PDE10A: variants seen among roughly 807,000 people sequenced by gnomAD.
PDE10A encodes phosphodiesterase 10A.
A neutral mutation model predicts 97.7 loss-of-function variants in PDE10A; 39 were observed. The observed-to-expected ratio is 0.40, with a 90% CI of 0.31 to 0.52. PDE10A has a LOEUF of 0.52. PDE10A is among the 20% of genes least tolerant of loss of function. The pLI is 0.56. For missense variants in PDE10A, 731 were observed against 1,047.8 expected, an observed-to-expected ratio of 0.70 and a Z score of 4.17; for synonymous variants, 371 against 376.8, an observed-to-expected ratio of 0.98 and a Z score of 0.18.
At chr6:165,700,179 C>T (rs1342036949) in intron 1 of PDE10A, among the ~76,000 whole-genome samples, 1 of 152,032 alleles carries the variant, frequency 6.6e-6, no homozygotes, top group African/African-American at 2.4e-5. Flanking sequence ...ACATTATGCT[C>T]AGTGAAAGAA....
chr6:165,760,041 C>T (rs989964357), intron 1 of PDE10A, among the ~76,000 whole-genome samples: 2 of 152,126 alleles, frequency 1.3e-5, no homozygotes, highest in African/African-American at 4.8e-5. Context: ...AAACTTTGCA[C>T]ATAAAGTCAA....
At chr6:165,354,483 T>G (rs1782898871) in intron 18 of PDE10A, among the ~76,000 whole-genome samples, 1 of 152,226 alleles carries the variant, frequency 6.6e-6, no homozygotes, top group Non-Finnish European at 1.5e-5. Context: ...CACTCCAAGC[T>G]GGAGATGGTA....
At chr6:165,893,677 T>G (rs1258698626) in intron 1 of PDE10A, among the ~76,000 whole-genome samples, 1 of 152,190 alleles carries the variant, frequency 6.6e-6, no homozygotes, top group East Asian at 1.9e-4. Flanking sequence ...TTTCCTTTCC[T>G]GTATACCCAC....
At position 165,577,317 on chromosome 6, in the gene PDE10A, T is replaced by C. The variant is rs1345148340; in HGVS notation, c.866-33749A>G. 2.6e-5 allele frequency among the ~76,000 whole-genome samples: 4 copies of C among 152,250 alleles called. No individual in the cohort carries two copies. The East Asian group carries it at 7.7e-4, about 29-fold the overall frequency. On this transcript the variant is annotated intron_variant, in intron 1 of 21. Coordinates refer to ENST00000539869, the MANE Select transcript of PDE10A (RefSeq NM_001385079.1). ...TCTTCACCTACTCTACTCTCAGAAG[T>C]ACTCTCCTGGGGGACGTGGAGTGAT... is the stretch of plus-strand genomic sequence containing the variant.
At chr6:165,801,683 A>G (rs896872084) in intron 1 of PDE10A, among the ~76,000 whole-genome samples, 1 of 152,168 alleles carries the variant, frequency 6.6e-6, no homozygotes, top group East Asian at 1.9e-4. Flanking sequence ...AATCAACACC[A>G]TGTTTCTAGT....
intron 1 of PDE10A, among the ~76,000 whole-genome samples, chr6:165,718,906 GA>G (rs1231046510): frequency 1.3e-5 from 2 of 151,552 alleles, no homozygotes; most frequent in South Asian, 4.2e-4. Flanking sequence ...ATACAGGGAG[GA>G]AAAAAAAGTT....
intron 1 of PDE10A, among the ~76,000 whole-genome samples, chr6:165,716,641 T>A (rs992227536): frequency 2.0e-5 from 3 of 152,162 alleles, no homozygotes; most frequent in Non-Finnish European, 4.4e-5. Context: ...TGGAGAAGAA[T>A]GGAAGAACTT....
At chr6:165,765,578 A>T (rs1777821707) in intron 1 of PDE10A, among the ~76,000 whole-genome samples, 1 of 152,152 alleles carries the variant, frequency 6.6e-6, no homozygotes, top group Non-Finnish European at 1.5e-5. Context: ...GGCTGCTCCG[A>T]GTGCGGGGCC....
chr6:165,916,790 G>T (rs764936148), intron 1 of PDE10A, among the ~76,000 whole-genome samples: 2 of 152,182 alleles, frequency 1.3e-5, no homozygotes, highest in Non-Finnish European at 2.9e-5. Context: ...TTAGGTGGTG[G>T]TCACATTTGC....
At chr6:165,968,950 C>G (rs941950614) in intron 1 of PDE10A, among the ~76,000 whole-genome samples, 10 of 152,160 alleles carry the variant, frequency 6.6e-5, no homozygotes, top group African/African-American at 2.4e-4. Context: ...CAGGTTTGCA[C>G]TTAAGAATCA....
At chr6:165,844,934 C>A (rs1203271860) in intron 1 of PDE10A, among the ~76,000 whole-genome samples, 2 of 152,106 alleles carry the variant, frequency 1.3e-5, no homozygotes, top group Non-Finnish European at 2.9e-5. Context: ...TCTTATTAAC[C>A]CTTGGACACA....
intron 1 of PDE10A, among the ~76,000 whole-genome samples, chr6:165,900,854 C>A (rs1230054390): frequency 6.6e-6 from 1 of 152,186 alleles, no homozygotes; most frequent in African/African-American, 2.4e-5. Context: ...AATTACACAG[C>A]AAAATATACG....
intron 1 of PDE10A, among the ~76,000 whole-genome samples, chr6:165,951,637 G>T (rs1366221982): frequency 6.6e-6 from 1 of 151,946 alleles, no homozygotes; most frequent in East Asian, 1.9e-4. Flanking sequence ...TTTCTCACTC[G>T]GTCTCCTAAC....
At chr6:165,847,693 G>A (rs765004348) in intron 1 of PDE10A, among the ~76,000 whole-genome samples, 38 of 152,232 alleles carry the variant, frequency 2.5e-4, no homozygotes, top group Admixed American at 1.4e-3. Context: ...CTCCCATAGC[G>A]TAAGCCAGCA....
intron 1 of PDE10A, among the ~76,000 whole-genome samples, chr6:165,558,899 T>C (rs1583538277): frequency 6.6e-6 from 1 of 152,126 alleles, no homozygotes; most frequent in Non-Finnish European, 1.5e-5. Context: ...CATGTATACA[T>C]ATGTAGCAAA....
At chr6:165,745,118 T>C (rs532898866) in intron 1 of PDE10A, among the ~76,000 whole-genome samples, 1 of 152,316 alleles carries the variant, frequency 6.6e-6, no homozygotes, top group African/African-American at 2.4e-5. Context: ...AATTCAAGCA[T>C]TTTTACAAAT....
At chr6:165,407,404 A>AGAT (rs1258085360) in intron 13 of PDE10A, among the ~76,000 whole-genome samples, 2 of 152,152 alleles carry the variant, frequency 1.3e-5, no homozygotes, top group Non-Finnish European at 2.9e-5. Context: ...TAAAACGTGG[A>AGAT]GATAATAATA....
intron 1 of PDE10A, among the ~76,000 whole-genome samples, chr6:165,957,558 T>C (rs940256668): frequency 3.3e-5 from 5 of 152,184 alleles, no homozygotes; most frequent in African/African-American, 1.2e-4. Flanking sequence ...TTTTCTGACC[T>C]CTCCCTCTGT....
At chr6:165,548,687 A>G (rs1373375332) in intron 1 of PDE10A, among the ~76,000 whole-genome samples, 2 of 152,150 alleles carry the variant, frequency 1.3e-5, no homozygotes, top group Non-Finnish European at 2.9e-5. Flanking sequence ...CTAATTCAGT[A>G]GGGCTTGACA....
Sources: allele counts gnomAD v4.1 joint callset (sites outside exome capture counted in the v4.1 genomes callset), GRCh38; gene constraint gnomAD v4.1.1; transcripts MANE v1.5; gene names NCBI Gene and HGNC (gene_info 2026-07-23, HGNC 2026-07-21).